MYOM1: variants seen among roughly 807,000 people sequenced by gnomAD.
MYOM1 encodes the protein myomesin 1, also known as myomesin-1.
MYOM1 carries 164 observed loss-of-function variants against 205.3 expected under a neutral mutation model. The observed-to-expected ratio is 0.80, with a 90% CI of 0.70 to 0.91. MYOM1 has a LOEUF of 0.91. MYOM1 is among the 40% of genes least tolerant of loss of function. MYOM1 has a pLI of 0.00. For synonymous variants in MYOM1, 772 were observed against 789.4 expected (o/e 0.98, Z 0.37); for missense variants, 2,011 against 2,127.3 (o/e 0.95, Z 1.08).
intron 21 of MYOM1, among the ~76,000 whole-genome samples, chr18:3,114,708 GT>G (rs1468060462): frequency 2.6e-5 from 4 of 151,740 alleles, no homozygotes; most frequent in African/African-American, 9.7e-5. Context: ...TGCTTCTTAT[GT>G]TTGAATTTTT....
Position 3,094,241 on chromosome 18 carries a change from G to A in MYOM1, c.3793C>T (p.Gln1265Ter). The A allele has an allele frequency of 2.5e-6, 4 of 1,613,908 alleles. No homozygotes were observed. The highest frequency in any genetic ancestry group is 3.4e-6 in the Non-Finnish European group (4 of 1,179,824). Residue 1265 changes from glutamine (Q) to a stop codon, truncating the protein, a stop_gained, in exon 26 of 38, where the codon CAG becomes TAG. Transcript: ENST00000356443. LOFTEE classifies it high-confidence loss of function. Reference protein sequence around the residue: ...LEKGQVRFWMQAEKLSGNAKV... With the variant: ...LEKGQVRFWM ...GCATTGCCAGACAGTTTCTCAGCCT[G>A]CATCCAAAACCGGACCTGGCCTTTC...
At chr18:3,170,349 C>T (rs1209654096) in intron 8 of MYOM1, among the ~76,000 whole-genome samples, 1 of 152,156 alleles carries the variant, frequency 6.6e-6, no homozygotes, top group Non-Finnish European at 1.5e-5. Flanking sequence ...TTGATCATTA[C>T]ACATTGTATG....
intron 10 of MYOM1, among the ~76,000 whole-genome samples, chr18:3,157,684 AATAAT>A (rs1567940409): frequency 3.1e-4 from 12 of 38,750 alleles, no homozygotes; most frequent in Non-Finnish European, 5.9e-4. Flanking sequence ...CTCCAAAAAT[AATAAT>A]AATAATAATA....
intron 37 of MYOM1, 143 bp downstream of exon 37, chr18:3,071,689 GTT>G (rs1408684844): frequency 1.8e-5 from 14 of 778,152 alleles, no homozygotes; most frequent in African/African-American, 3.5e-5. Flanking sequence ...CTTGTGTTTG[GTT>G]ACTCTGGTCA....
intron 5 of MYOM1, among the ~76,000 whole-genome samples, chr18:3,182,913 CTTTTTTTTTTT>C (rs549386891): frequency 0.012 from 1,080 of 92,282 alleles, 14 homozygotes; most frequent in African/African-American, 0.037. Flanking sequence ...TTTCTTTCTT[CTTTTTTTTTTT>C]TTTTTTTTTT....
intron 37 of MYOM1, among the ~76,000 whole-genome samples, chr18:3,069,803 T>A (rs2078939956): frequency 6.6e-6 from 1 of 152,252 alleles, no homozygotes; most frequent in Non-Finnish European, 1.5e-5. Context: ...GGGTTCTGCA[T>A]TACAAAGTAC....
chr18:3,204,662 A>G (rs1395703268), intron 2 of MYOM1, among the ~76,000 whole-genome samples: 1 of 152,026 alleles, frequency 6.6e-6, no homozygotes, highest in Non-Finnish European at 1.5e-5. Flanking sequence ...TGATCTACAG[A>G]TTCAACATGA....
rs1008869229 is a variant in MYOM1 at position 3,103,256 on chromosome 18, C to T, written c.3419-626G>A. Among the ~76,000 whole-genome samples, 4 of 152,134 alleles carry T rather than the reference C, an allele frequency of 2.6e-5. No homozygotes were observed. The South Asian group carries it at 8.3e-4, about 32-fold the overall frequency. On this transcript the variant is annotated intron_variant, in intron 22 of 37. Transcript: ENST00000356443. The stretch of plus-strand genomic sequence containing the variant: ...AGAACCATAAATCAATTTAAAGATG[C>T]CCCTCTAGATTAGAGTGATAGCAAC...
chr18:3,122,262 G>C (rs926365934), intron 19 of MYOM1, among the ~76,000 whole-genome samples: 5 of 150,982 alleles, frequency 3.3e-5, no homozygotes, highest in African/African-American at 1.2e-4. Context: ...ATTTAACTCC[G>C]TGCTATTTTT....
chr18:3,090,217 A>AT (rs71159040), intron 27 of MYOM1, among the ~76,000 whole-genome samples: 63,298 of 124,704 alleles, frequency 0.51, 16,519 homozygotes, highest in Admixed American at 0.61. Flanking sequence ...TGAAAACTGT[A>AT]TTTTTTTTTT....
At chr18:3,161,805 G>A (rs575693043) in intron 10 of MYOM1, among the ~76,000 whole-genome samples, 34 of 152,310 alleles carry the variant, frequency 2.2e-4, no homozygotes, top group African/African-American at 4.8e-4. Flanking sequence ...GTAAATTACC[G>A]TACTTTTTTG....
At chr18:3,115,065 T>C (rs2079586201) in intron 21 of MYOM1, among the ~76,000 whole-genome samples, 1 of 152,080 alleles carries the variant, frequency 6.6e-6, no homozygotes, top group African/African-American at 2.4e-5. Flanking sequence ...TTGGAAATCT[T>C]CATCCCAGCC....
At chr18:3,071,786 C>A (rs1291767162) in intron 37 of MYOM1, 48 bp downstream of exon 37, 6 of 1,558,048 alleles carry the variant, frequency 3.9e-6, no homozygotes, top group East Asian at 2.4e-5. Context: ...GGTGCTGGAA[C>A]CTGTTCATAG....
intron 19 of MYOM1, among the ~76,000 whole-genome samples, chr18:3,124,303 CTT>C (rs34118507): frequency 7.6e-5 from 10 of 130,872 alleles, no homozygotes; most frequent in Admixed American, 1.6e-4. Context: ...TTTCTTTTTT[CTT>C]TTTTTTTTTT....
chr18:3,160,593 T>G (rs1029920137), intron 10 of MYOM1, among the ~76,000 whole-genome samples: 1 of 152,244 alleles, frequency 6.6e-6, no homozygotes, highest in Non-Finnish European at 1.5e-5. Flanking sequence ...GTATACAAAT[T>G]ATATCTCAAA....
chr18:3,117,018 G>A (rs1439671176), intron 20 of MYOM1, among the ~76,000 whole-genome samples: 5 of 152,022 alleles, frequency 3.3e-5, no homozygotes, highest in Admixed American at 1.3e-4. Context: ...CACCACACCC[G>A]GCTAATTTTT....
At chr18:3,191,468 A>G (rs551865812) in intron 3 of MYOM1, among the ~76,000 whole-genome samples, 1 of 152,278 alleles carries the variant, frequency 6.6e-6, no homozygotes, top group Admixed American at 6.5e-5. Flanking sequence ...TGTATGGAGA[A>G]TTTAGCAAGA....
At position 3,134,636 on chromosome 18, in the gene MYOM1, C is replaced by T. The variant is rs747263314; in HGVS notation, c.2384+14G>A. The T allele has an allele frequency of 5.6e-6, 9 of 1,602,702 alleles. No homozygotes were observed. In the South Asian group the frequency reaches 1.0e-4, roughly 18 times the overall value. On this transcript the variant is annotated intron_variant, in intron 16 of 37. Transcript: ENST00000356443. ...CAGAGGCCATTGCCCGCCCTGCACA[C>T]CCGACTGAGTTACCGTGAGCCCTTC...
In MYOM1 at chr18:3,119,875, C is replaced by T. The variant is rs182398400; in HGVS notation, c.3112G>A (p.Val1038Ile). The change falls in exon 20 of 38, where the codon GTC (valine) becomes ATC (isoleucine). Residue 1038 changes from valine (V) to isoleucine (I), a missense_variant. Physicochemically the swap from Val to Ile is conservative, Grantham distance 29. Transcript: ENST00000356443. ...GCAGGTGTCTGTGGTTTACCTGGGA[C>T]GGCGATGGTCCACTCTTCACATTTG... ...CFKCEEWTIA[V>I]PGPPHSLKCS... 1.1e-5 allele frequency: 17 copies of T among 1,604,936 alleles called. No homozygotes were observed. The African/African-American group carries it at 1.2e-4, about 11-fold the overall frequency.
Sources: gnomAD v4.1 joint callset for allele counts (sites outside exome capture counted in the v4.1 genomes callset) on GRCh38, gnomAD v4.1.1 for gene constraint, MANE v1.5 for transcripts, NCBI Gene and HGNC (gene_info 2026-07-23, HGNC 2026-07-21) for gene names.